NET1: variants seen among roughly 807,000 people sequenced by gnomAD.
NET1 encodes neuroepithelial cell-transforming gene 1 protein.
NET1 carries 42 observed loss-of-function variants against 61.1 expected under a neutral mutation model. That is an observed-to-expected ratio of 0.69 (90% confidence interval 0.54 to 0.89). The LOEUF (loss-of-function observed/expected upper bound fraction) is 0.89, where lower values mean the gene tolerates loss of function less well. Ranked by LOEUF, NET1 falls within the 40% of genes least tolerant of loss-of-function variation. The probability of loss-of-function intolerance (pLI) is 0.00; values close to 1 mark genes in which losing one functional copy is unlikely to be tolerated. For missense variants in NET1, 654 were observed against 747.3 expected (o/e 0.88, Z 1.46); for synonymous variants, 254 against 281.8 (o/e 0.90, Z 0.99).
Position 5,453,510 on chromosome 10 carries a change from A to T in NET1, c.718A>T (p.Thr240Ser). ...TTTGTTGACAAGAATAGGAGAAGCA[A>T]CCAAGCCTGATGGAACAGTGGAGCA... ...EDLLTRIGEA[T>S]KPDGTVEQIG... The change falls in exon 8 of 12, where the codon ACC (threonine) becomes TCC (serine). Residue 240 changes from threonine to serine, a missense_variant. Transcript: ENST00000355029. The surrounding 1 kb of genome is among the most constrained non-coding windows in gnomAD (Gnocchi z 4.9). 6.2e-7 allele frequency: 1 copy of T among 1,614,176 alleles called. No individual in the cohort carries two copies. Among genetic ancestry groups the T allele is most frequent in the Non-Finnish European group, 8.5e-7 (1 of 1,180,030 alleles).
At position 5,453,032 on chromosome 10, in the gene NET1, G is replaced by T; in HGVS notation, c.594+112G>T. 1 of 812,336 alleles carries T rather than the reference G, an allele frequency of 1.2e-6. No individual in the cohort carries two copies. 50.3% of individuals were successfully genotyped at this position (812,336 alleles called of 1,614,324 possible). On this transcript the variant is annotated intron_variant, in intron 6 of 11. Transcript: ENST00000355029. This position sits in a 1 kb window ranked among gnomAD's most constrained non-coding sequence, Gnocchi z 4.9. ...AGTAGAAGAATAGAAAATATCTACT[G>T]GTGAATACATTTTTTTTAGGTGAGG...
chr10:5,416,025 G>A lies in NET1; in HGVS notation c.128+3205G>A, dbSNP rs948253934. ...TTCTTCTGAGAATTTTATCATTTTA[G>A]CTTTTATATTTGGGTCTTTAATCCA... On this transcript the variant is annotated intron_variant, in intron 1 of 11. Coordinates refer to ENST00000355029, the MANE Select transcript of NET1 (RefSeq NM_001047160.3). The surrounding 1 kb of genome is among the most constrained non-coding windows in gnomAD (Gnocchi z 6.1). 2.0e-5 allele frequency among the ~76,000 whole-genome samples: 3 copies of A among 152,030 alleles called. No homozygotes were observed. The highest frequency in any genetic ancestry group is 1.3e-4 in the Admixed American group (2 of 15,270).
At position 5,450,093 on chromosome 10, in the gene NET1, G is replaced by C. The variant is rs569731662; in HGVS notation, c.256-1737G>C. Among the ~76,000 whole-genome samples, 118 of 152,298 alleles carry C rather than the reference G, an allele frequency of 7.7e-4. 3 individuals carry two copies. The South Asian group carries it at 0.024, about 31-fold the overall frequency. Reference sequence around the variant, plus strand: ...AGTCAGTCAGCACAGATGTACGTGGGGGAGGCATCCACACATGTCCTCAGA... The same window carrying C: ...AGTCAGTCAGCACAGATGTACGTGGCGGAGGCATCCACACATGTCCTCAGA... On this transcript the variant is annotated intron_variant, in intron 3 of 11. Transcript: ENST00000355029.
chr10:5,434,280 A>T (rs930757353), intron 3 of NET1, among the ~76,000 whole-genome samples: 2 of 152,106 alleles, frequency 1.3e-5, no homozygotes, highest in African/African-American at 4.8e-5. Context: ...TTTCTCTTTT[A>T]TCTGGAACTT....
rs1419957944 is a variant in NET1 at position 5,445,261 on chromosome 10, A to AT, written c.256-6569_256-6568insT. On this transcript the variant is annotated intron_variant, in intron 3 of 11. Transcript: ENST00000355029. The stretch of plus-strand genomic sequence containing the variant: ...AAAAATATTACATTCAAGGCCGCAC[A>AT]GACATAACATCTTAAACCTCTTCCT... 6.7e-4 allele frequency among the ~76,000 whole-genome samples: 102 copies of AT among 152,370 alleles called. 1 individual carries two copies. The East Asian group carries it at 0.013, about 20-fold the overall frequency.
intron 3 of NET1, among the ~76,000 whole-genome samples, chr10:5,436,867 T>G (rs1185630780): frequency 6.6e-6 from 1 of 152,324 alleles, no homozygotes; most frequent in Non-Finnish European, 1.5e-5. Flanking sequence ...TGATTTCTAC[T>G]GGTTGCCTTA....
chr10:5,441,846 T>C lies in NET1; in HGVS notation c.256-9984T>C, dbSNP rs970008510. ...GTTATTACTAGATATTTTGGAACTA[T>C]GGTTTTTCAAAAGTTCCACTTTTCA... is the stretch of plus-strand genomic sequence containing the variant. On this transcript the variant is annotated intron_variant, in intron 3 of 11. Coordinates refer to ENST00000355029, the MANE Select transcript of NET1 (RefSeq NM_001047160.3). This position sits in a 1 kb window ranked among gnomAD's most constrained non-coding sequence, Gnocchi z 4.6. Among the ~76,000 whole-genome samples the C allele has an allele frequency of 2.0e-5, 3 of 152,264 alleles. No individual in the cohort carries two copies. The highest frequency in any genetic ancestry group is 6.5e-5 in the Admixed American group (1 of 15,286).
At position 5,459,026 on chromosome 10, in the gene NET1, A is replaced by G. The variant is rs530971150; in HGVS notation, c.*2032A>G. 6.6e-6 allele frequency among the ~76,000 whole-genome samples: 1 copy of G among 152,310 alleles called. No homozygotes were observed. The highest frequency in any genetic ancestry group is 2.1e-4 in the South Asian group (1 of 4,828). ...TAAAAATAAGACCCAGAATCTGAGT[A>G]AATCTATTAAATGAATGTTCTTCAG... On this transcript the variant is annotated 3_prime_UTR_variant, in exon 12 of 12. Transcript: ENST00000355029.
chr10:5,453,311 T>G lies in NET1; in HGVS notation c.656T>G (p.Phe219Cys). Residue 219 changes from phenylalanine (F) to cysteine (C), a missense_variant, in exon 7 of 12, where the codon TTT (phenylalanine) becomes TGT (cysteine). Physicochemically the swap from Phe to Cys is radical, Grantham distance 205. Transcript: ENST00000355029. The surrounding 1 kb of genome is among the most constrained non-coding windows in gnomAD (Gnocchi z 4.9). ...TCAGAAGAGGAACTCACACATATAT[T>G]TGGTGATCTGGACTCTTACATACCT... Reference protein sequence around the residue: ...IMSEEELTHIFGDLDSYIPLH... With the variant: ...IMSEEELTHICGDLDSYIPLH... The G allele has an allele frequency of 6.2e-7, 1 of 1,613,036 alleles. No homozygotes were observed. The highest frequency in any genetic ancestry group is 8.5e-7 in the Non-Finnish European group (1 of 1,179,014).
In NET1 at chr10:5,435,522, T is replaced by C. The variant is rs760892012; in HGVS notation, c.255+6293T>C. ...ATAGATAGATAGATAGATAGATAGA[T>C]AGATAGATAGACAGACAGACAGATA... On this transcript the variant is annotated intron_variant, in intron 3 of 11. Coordinates refer to ENST00000355029, the MANE Select transcript of NET1 (RefSeq NM_001047160.3). This position sits in a 1 kb window ranked among gnomAD's most constrained non-coding sequence, Gnocchi z 5.0. Among the ~76,000 whole-genome samples the C allele has an allele frequency of 0.026, 843 of 32,670 alleles. 14 individuals carry two copies. Among genetic ancestry groups the C allele is most frequent in the South Asian group, 0.055 (73 of 1,328 alleles). 21.4% of individuals were successfully genotyped at this position (32,670 alleles called of 152,430 possible).
chr10:5,425,867 A>C (rs1180571120), intron 1 of NET1, among the ~76,000 whole-genome samples: 1 of 152,232 alleles, frequency 6.6e-6, no homozygotes, highest in Non-Finnish European at 1.5e-5. Context: ...CATCTGAAGT[A>C]ATTAATAATA....
In NET1 at chr10:5,453,809, A is replaced by C. The variant is rs1564468727; in HGVS notation, c.768+249A>C. Among the ~76,000 whole-genome samples, 1 of 151,884 alleles carries C rather than the reference A, an allele frequency of 6.6e-6. No individual in the cohort carries two copies. Among genetic ancestry groups the C allele is most frequent in the Non-Finnish European group, 1.5e-5 (1 of 68,010 alleles). ...CCTGCTTGGATAGAATTCCCACATC[A>C]TGTGTGATTATCCGTTGCATTCTGT... On this transcript the variant is annotated intron_variant, in intron 8 of 11. Coordinates refer to ENST00000355029, the MANE Select transcript of NET1 (RefSeq NM_001047160.3). The surrounding 1 kb of genome is among the most constrained non-coding windows in gnomAD (Gnocchi z 4.9).
At position 5,441,939 on chromosome 10, in the gene NET1, G is replaced by A. The variant is rs1339664937; in HGVS notation, c.256-9891G>A. ...ACTAACCTATTTTTAGTGAGATACA[G>A]AGTATATGCTTGTAATCTTGAATTC... On this transcript the variant is annotated intron_variant, in intron 3 of 11. Coordinates refer to ENST00000355029, the MANE Select transcript of NET1 (RefSeq NM_001047160.3). The surrounding 1 kb of genome is among the most constrained non-coding windows in gnomAD (Gnocchi z 4.6). 6.6e-6 allele frequency among the ~76,000 whole-genome samples: 1 copy of A among 152,120 alleles called. No individual in the cohort carries two copies. The highest frequency in any genetic ancestry group is 1.5e-5 in the Non-Finnish European group (1 of 68,026).
rs1435434194 is a variant in NET1, at chr10:5,446,890, G to C, written c.256-4940G>C. On this transcript the variant is annotated intron_variant, in intron 3 of 11. Coordinates refer to ENST00000355029, the MANE Select transcript of NET1 (RefSeq NM_001047160.3). This position sits in a 1 kb window ranked among gnomAD's most constrained non-coding sequence, Gnocchi z 5.0. ...CTTTAAGAGAAACGTTAGGCAAAAG[G>C]AATGTTTTCTAACTCCACGGAGCTT... 2 of 1,565,826 alleles carry C rather than the reference G, an allele frequency of 1.3e-6. No individual in the cohort carries two copies. Among genetic ancestry groups the C allele is most frequent in the South Asian group, 2.4e-5 (2 of 84,598 alleles).
chr10:5,424,810 T>C lies in NET1; in HGVS notation c.129-1845T>C, dbSNP rs1281185649. Among the ~76,000 whole-genome samples the C allele has an allele frequency of 1.3e-5, 2 of 152,198 alleles. No homozygotes were observed. Among genetic ancestry groups the C allele is most frequent in the African/African-American group, 2.4e-5 (1 of 41,450 alleles). On this transcript the variant is annotated intron_variant, in intron 1 of 11. Coordinates refer to ENST00000355029, the MANE Select transcript of NET1 (RefSeq NM_001047160.3). This position sits in a 1 kb window ranked among gnomAD's most constrained non-coding sequence, Gnocchi z 6.1. ...TTAGGGAGGAAAAGGGGAAAGTCTTTCCTGGCAATTTTGACATCGAACCGT... is the reference window on the plus strand; with the variant it reads ...TTAGGGAGGAAAAGGGGAAAGTCTTCCCTGGCAATTTTGACATCGAACCGT...
rs954658141 is a variant in NET1, at chr10:5,446,609, A to G, written c.256-5221A>G. The stretch of plus-strand genomic sequence containing the variant: ...TCGGTGCTTGCTGCCTGCGGCTCTC[A>G]GAAGCCTCTGCTCCACCGCGGCGAG... On this transcript the variant is annotated intron_variant, in intron 3 of 11. Transcript: ENST00000355029. The surrounding 1 kb of genome is among the most constrained non-coding windows in gnomAD (Gnocchi z 5.0). 5 of 1,234,096 alleles carry G rather than the reference A, an allele frequency of 4.1e-6. No homozygotes were observed. Among genetic ancestry groups the G allele is most frequent in the Middle Eastern group, 6.5e-4 (2 of 3,094 alleles). The allele number at this position is 1,234,096 out of a possible 1,614,324, so 76.4% of individuals were successfully genotyped here. A position where few individuals can be genotyped will look rare whatever the true frequency, so the allele number is the denominator to read the frequency against.
Position 5,454,276 on chromosome 10 carries a change from G to A in NET1, c.780G>A (p.Leu260=), listed in dbSNP as rs1832760407. The A allele has an allele frequency of 1.2e-6, 2 of 1,611,850 alleles. No homozygotes were observed. The highest frequency in any genetic ancestry group is 1.3e-5 in the African/African-American group (1 of 74,736). ...TTATTACTCTTCAGTTACCGCGCTT[G>A]AATGCCTACAGAGGTTACTGTAGTA... ...GHILVSWLPR[L]NAYRGYCSNQ... The change falls in exon 9 of 12, where the codon TTG becomes TTA. Residue 260 remains leucine (L), a synonymous_variant. Transcript: ENST00000355029. The surrounding 1 kb of genome is among the most constrained non-coding windows in gnomAD (Gnocchi z 8.1).
intron 3 of NET1, among the ~76,000 whole-genome samples, chr10:5,432,788 C>T (rs1384478205): frequency 2.0e-5 from 3 of 151,032 alleles, no homozygotes; most frequent in African/African-American, 4.9e-5. Flanking sequence ...TATAGTATTC[C>T]ACTTTCTTGG....
Position 5,441,271 on chromosome 10 carries a change from A to G in NET1, c.256-10559A>G, listed in dbSNP as rs1832522314. Among the ~76,000 whole-genome samples the G allele has an allele frequency of 1.3e-5, 2 of 152,258 alleles. No individual in the cohort carries two copies. Among genetic ancestry groups the G allele is most frequent in the African/African-American group, 4.8e-5 (2 of 41,460 alleles). On this transcript the variant is annotated intron_variant, in intron 3 of 11. Coordinates refer to ENST00000355029, the MANE Select transcript of NET1 (RefSeq NM_001047160.3). The surrounding 1 kb of genome is among the most constrained non-coding windows in gnomAD (Gnocchi z 4.6). ...GGCTACACATGTGCATGTGCCACAC[A>G]GCAGCATCCAAGAAGCCCAGGGTGG... is the stretch of plus-strand genomic sequence containing the variant.
Sources: gnomAD v4.1 joint callset for allele counts (sites outside exome capture counted in the v4.1 genomes callset) on GRCh38, gnomAD v4.1.1 for gene constraint, Gnocchi (gnomAD v3.1) non-coding constraint, MANE v1.5 for transcripts, NCBI Gene and HGNC (gene_info 2026-07-23, HGNC 2026-07-21) for gene names.